PRELID2: variants seen among roughly 807,000 people sequenced by gnomAD.
The protein encoded by PRELID2 is PRELI domain-containing protein 2.
In PRELID2, 25 loss-of-function variants were observed where a neutral mutation model predicts 28.4. That is an observed-to-expected ratio of 0.88 (90% CI 0.64 to 1.23). PRELID2 has a LOEUF of 1.23. PRELID2 is among the 50% of genes most tolerant of loss of function. The pLI is 0.00. For missense variants in PRELID2, 201 were observed against 214.4 expected (o/e 0.94, Z 0.39); for synonymous variants, 76 against 71.6 (o/e 1.06, Z -0.31).
At chr5:145,647,266 C>T (rs1237071647) in intron 1 of PRELID2, among the ~76,000 whole-genome samples, 2 of 152,124 alleles carry the variant, frequency 1.3e-5, no homozygotes, top group Non-Finnish European at 2.9e-5. Flanking sequence ...TGCTGAGCTG[C>T]GGTGGGCTCT....
chr5:145,696,811 C>A (rs1755278506), intron 1 of PRELID2, among the ~76,000 whole-genome samples: 1 of 151,664 alleles, frequency 6.6e-6, no homozygotes, highest in African/African-American at 2.4e-5. Context: ...ACATTCCCAG[C>A]AATTTGTTGA....
chr5:145,690,310 A>G (rs1755122014), intron 1 of PRELID2, among the ~76,000 whole-genome samples: 1 of 152,126 alleles, frequency 6.6e-6, no homozygotes, highest in Non-Finnish European at 1.5e-5. Flanking sequence ...CCTCTTCCCT[A>G]ACCCTTCATG....
At chr5:145,280,188 C>A in the PRELID2 span, among the ~76,000 whole-genome samples, 1 of 152,084 alleles carries the variant, frequency 6.6e-6, no homozygotes, top group Non-Finnish European at 1.5e-5. Flanking sequence ...TGCCGGCCCC[C>A]TCCCTATGTC....
the PRELID2 span, among the ~76,000 whole-genome samples, chr5:145,333,583 G>T: frequency 6.6e-6 from 1 of 152,106 alleles, no homozygotes; most frequent in Admixed American, 6.5e-5. Flanking sequence ...GGGGAAAACT[G>T]CCTACTCAAG....
intron 5 of PRELID2, among the ~76,000 whole-genome samples, chr5:145,791,085 G>A (rs1752359521): frequency 6.6e-6 from 1 of 152,046 alleles, no homozygotes; most frequent in Non-Finnish European, 1.5e-5. Flanking sequence ...ATAAAGGAAA[G>A]AGTTTTAATT....
At chr5:145,755,566 G>A (rs1468760335), downstream of PRELID2, among the ~76,000 whole-genome samples, 1 of 152,182 alleles carries the variant, frequency 6.6e-6, no homozygotes, top group Non-Finnish European at 1.5e-5. Flanking sequence ...AAATTCCCAA[G>A]ACCCTCAGTT....
At chr5:145,629,839 A>G (rs1281479580) in intron 1 of PRELID2, among the ~76,000 whole-genome samples, 2 of 148,158 alleles carry the variant, frequency 1.3e-5, no homozygotes, top group African/African-American at 5.3e-5. Flanking sequence ...CAATAAATAT[A>G]CCCTTTGAAA....
intron 1 of PRELID2, among the ~76,000 whole-genome samples, chr5:145,745,318 C>A (rs1756959763): frequency 6.6e-6 from 1 of 152,144 alleles, no homozygotes; most frequent in Non-Finnish European, 1.5e-5. Flanking sequence ...CCTTCCCCAA[C>A]CTAGCAAGAC....
the PRELID2 span, among the ~76,000 whole-genome samples, chr5:145,393,948 C>T: frequency 6.6e-6 from 1 of 152,146 alleles, no homozygotes; most frequent in South Asian, 2.1e-4. Flanking sequence ...GTCTAAAATA[C>T]TTAAGACAGT....
intron 5 of PRELID2, among the ~76,000 whole-genome samples, chr5:145,787,547 A>AT (rs34918986): frequency 0.88 from 130,351 of 148,334 alleles, 57,155 homozygotes; most frequent in East Asian, 0.96. Flanking sequence ...AGAGGCAACA[A>AT]TTTTTTTTTT....
chr5:145,533,841 CA>C (rs1452807113), intron 1 of PRELID2, among the ~76,000 whole-genome samples: 5 of 152,004 alleles, frequency 3.3e-5, no homozygotes, highest in Admixed American at 2.0e-4. Context: ...TATTGCTAGT[CA>C]AAGCAAGAAT....
intron 4 of PRELID2, among the ~76,000 whole-genome samples, chr5:145,816,020 C>T (rs1437469516): frequency 3.4e-5 from 5 of 146,788 alleles, no homozygotes; most frequent in Admixed American, 6.8e-5. Flanking sequence ...CCATAAGAAA[C>T]ATGTAAGGGT....
the PRELID2 span, among the ~76,000 whole-genome samples, chr5:145,330,494 A>T: frequency 6.6e-6 from 1 of 152,202 alleles, no homozygotes; most frequent in Non-Finnish European, 1.5e-5. Context: ...TTCCTGGTTT[A>T]GTCTTGGGAG....
chr5:145,729,105 T>C (rs1322462485), intron 1 of PRELID2: 14 of 589,578 alleles, frequency 2.4e-5, no homozygotes, highest in Non-Finnish European at 4.2e-5. Flanking sequence ...GGTCCCATTG[T>C]TACCCTGGTT....
chr5:145,240,265 G>T, the PRELID2 span, among the ~76,000 whole-genome samples: 3 of 151,766 alleles, frequency 2.0e-5, no homozygotes, highest in Non-Finnish European at 4.4e-5. Flanking sequence ...GACAGGGAAA[G>T]CATGCTTTTA....
At chr5:145,321,925 G>A in the PRELID2 span, among the ~76,000 whole-genome samples, 63 of 152,314 alleles carry the variant, frequency 4.1e-4, no homozygotes, top group Admixed American at 3.1e-3. Context: ...ATAATGTGGC[G>A]CTGGAGCTCA....
intron 1 of PRELID2, among the ~76,000 whole-genome samples, chr5:145,519,570 G>T (rs17103341): frequency 0.096 from 14,606 of 152,170 alleles, 786 homozygotes; most frequent in Non-Finnish European, 0.12. Flanking sequence ...CCATACAGTT[G>T]CTTCCGATGA....
chr5:145,362,507 C>A, the PRELID2 span, among the ~76,000 whole-genome samples: 14 of 152,080 alleles, frequency 9.2e-5, no homozygotes, highest in African/African-American at 3.4e-4. Flanking sequence ...TAATTTCACT[C>A]ATTTTTGTGT....
rs929508413 is a variant in PRELID2, at chr5:145,633,601, G to A, written n.70+131330C>T. Among the ~76,000 whole-genome samples, 5 of 152,218 alleles carry A rather than the reference G, an allele frequency of 3.3e-5. No homozygotes were observed. The South Asian group carries it at 1.0e-3, about 32-fold the overall frequency. On this transcript the variant is annotated intron_variant and non_coding_transcript_variant, in intron 1 of 2. Transcript: ENST00000510259. ...TTGATAAGGGAATCAGACAAGCTCT[G>A]AGTTGGGAAGCTTTGCATCAGCATA... is the stretch of plus-strand genomic sequence containing the variant.
Sources: allele counts gnomAD v4.1 joint callset (sites outside exome capture counted in the v4.1 genomes callset), GRCh38; gene constraint gnomAD v4.1.1; transcripts MANE v1.5; gene names NCBI Gene and HGNC (gene_info 2026-07-23, HGNC 2026-07-21).